DIXDC1: variants seen among roughly 807,000 people sequenced by gnomAD.
The protein encoded by DIXDC1 is DIX domain containing 1, also known as dixin.
DIXDC1 carries 64 observed loss-of-function variants against 103.1 expected under a neutral mutation model. That is an observed-to-expected ratio of 0.62 (90% CI 0.51 to 0.76). The LOEUF (loss-of-function observed/expected upper bound fraction) is 0.76, where lower values mean the gene tolerates loss of function less well. DIXDC1 is among the 30% of genes least tolerant of loss of function. The pLI, the probability that DIXDC1 is intolerant of heterozygous loss-of-function variation, is 0.00. For synonymous variants in DIXDC1, 266 were observed against 298.5 expected, an observed-to-expected ratio of 0.89 and a Z score of 1.12; for missense variants, 759 against 834.2, an observed-to-expected ratio of 0.91 and a Z score of 1.11.
At position 111,977,431 on chromosome 11, in the gene DIXDC1, C is replaced by T; in HGVS notation, c.656+2448C>T. On this transcript the variant is annotated intron_variant, in intron 5 of 19. Coordinates refer to ENST00000440460, the MANE Select transcript of DIXDC1 (RefSeq NM_001037954.4). This position sits in a 1 kb window ranked among gnomAD's most constrained non-coding sequence, Gnocchi z 6.1. ...CCCCCGCCAGGGGGGATGCCCGGCA[C>T]CGTGCGTCCGCGGAGGCCAAGATGC... The T allele has an allele frequency of 1.7e-6, 2 of 1,209,776 alleles. No homozygotes were observed. The highest frequency in any genetic ancestry group is 2.1e-6 in the Non-Finnish European group (2 of 970,186). The allele number at this position is 1,209,776 out of a possible 1,614,324, so 74.9% of individuals were successfully genotyped here. A position where few individuals can be genotyped will look rare whatever the true frequency, so the allele number is the denominator to read the frequency against.
intron 10 of DIXDC1, among the ~76,000 whole-genome samples, chr11:111,990,490 C>G (rs603276): frequency 6.6e-6 from 1 of 152,086 alleles, no homozygotes; most frequent in Non-Finnish European, 1.5e-5. Flanking sequence ...AAACTTGACA[C>G]CTTGCTTTTT....
intron 17 of DIXDC1, among the ~76,000 whole-genome samples, chr11:112,004,114 GTA>G (rs587669386): frequency 2.2e-4 from 32 of 148,676 alleles, no homozygotes; most frequent in Non-Finnish European, 4.5e-4. Context: ...GTGTATATGT[GTA>G]TATATATATG....
chr11:111,935,097 A>T (rs1966150587), upstream of DIXDC1, among the ~76,000 whole-genome samples: 1 of 151,940 alleles, frequency 6.6e-6, no homozygotes, highest in Non-Finnish European at 1.5e-5. Context: ...ATAGTGCAAT[A>T]TTGGACCATA....
At chr11:111,949,635 T>A (rs1397169471) in intron 1 of DIXDC1, among the ~76,000 whole-genome samples, 1 of 152,220 alleles carries the variant, frequency 6.6e-6, no homozygotes. Flanking sequence ...AACTTCACAC[T>A]TCCTGTTGAA....
chr11:111,990,401 A>G (rs587646485), intron 10 of DIXDC1, among the ~76,000 whole-genome samples: 3 of 152,118 alleles, frequency 2.0e-5, no homozygotes, highest in South Asian at 4.1e-4. Flanking sequence ...TCCTAGAGGC[A>G]TCTTAACAGT....
At position 111,977,160 on chromosome 11, in the gene DIXDC1, CT is replaced by C; in HGVS notation, c.656+2178del. 2.8e-6 allele frequency: 2 copies of C among 711,588 alleles called. No individual in the cohort carries two copies. The highest frequency in any genetic ancestry group is 3.5e-6 in the Non-Finnish European group (2 of 579,404). 44.1% of individuals were successfully genotyped at this position (711,588 alleles called of 1,614,324 possible). On this transcript the variant is annotated intron_variant, in intron 5 of 19. Transcript: ENST00000440460. The surrounding 1 kb of genome is among the most constrained non-coding windows in gnomAD (Gnocchi z 6.1). ...CCCTCGTCGACGTCCCCACCCCCAC[CT>C]CCACCCCGCCCAGCCCCGCCCCTGG...
At chr11:111,978,554 C>A (rs1337561983) in intron 5 of DIXDC1, among the ~76,000 whole-genome samples, 1 of 152,146 alleles carries the variant, frequency 6.6e-6, no homozygotes, top group African/African-American at 2.4e-5. Context: ...ACTCCCCCAG[C>A]GGGGATGGAT....
At chr11:111,964,765 T>G (rs1859675426) in intron 2 of DIXDC1, 87 bp downstream of exon 2, 2 of 1,438,406 alleles carry the variant, frequency 1.4e-6, no homozygotes, top group African/African-American at 2.9e-5. Context: ...GAGCAGGTTA[T>G]TTTTTCTTTA....
intron 17 of DIXDC1, among the ~76,000 whole-genome samples, chr11:112,000,994 T>A (rs1467618040): frequency 6.6e-6 from 1 of 152,074 alleles, no homozygotes; most frequent in Non-Finnish European, 1.5e-5. Flanking sequence ...AACTTGTACA[T>A]CTATGTTCCT....
intron 10 of DIXDC1, among the ~76,000 whole-genome samples, chr11:111,989,793 T>A (rs1555174319): frequency 7.1e-6 from 1 of 141,758 alleles, no homozygotes; most frequent in African/African-American, 2.6e-5. Context: ...TAGAGGCATC[T>A]TTTTTTTTTT....
intron 1 of DIXDC1, chr11:111,946,676 C>A: frequency 3.4e-6 from 1 of 296,236 alleles, no homozygotes; most frequent in South Asian, 2.8e-5. Flanking sequence ...GTTTTTTTTC[C>A]TTTGTTTATT....
At chr11:111,960,789 T>G (rs1361199218) in intron 1 of DIXDC1, among the ~76,000 whole-genome samples, 1 of 152,094 alleles carries the variant, frequency 6.6e-6, no homozygotes, top group Non-Finnish European at 1.5e-5. Context: ...TTGAAAAGCT[T>G]TCCAGGTGAT....
chr11:111,963,209 G>A (rs955055365), intron 1 of DIXDC1, among the ~76,000 whole-genome samples: 2 of 152,162 alleles, frequency 1.3e-5, no homozygotes, highest in Non-Finnish European at 2.9e-5. Context: ...TTTAGTAAGC[G>A]TCAATTTTAT....
chr11:111,997,163 T>C (rs374752772), intron 17 of DIXDC1, among the ~76,000 whole-genome samples: 3 of 152,348 alleles, frequency 2.0e-5, no homozygotes, highest in African/African-American at 4.8e-5. Flanking sequence ...GTATGTTACA[T>C]ATAAATTTTT....
At chr11:111,973,190 G>A (rs1555172226) in intron 3 of DIXDC1, among the ~76,000 whole-genome samples, 2 of 151,310 alleles carry the variant, frequency 1.3e-5, no homozygotes, top group African/African-American at 4.9e-5. Context: ...GGCCAACATG[G>A]TGAAACCCCA....
chr11:111,937,013 GTA>G (rs1348678191), upstream of DIXDC1, among the ~76,000 whole-genome samples: 5 of 150,894 alleles, frequency 3.3e-5, no homozygotes, highest in African/African-American at 4.9e-5. Flanking sequence ...GTGTATGTGT[GTA>G]TGTGTGTGTG....
intron 9 of DIXDC1, among the ~76,000 whole-genome samples, chr11:111,987,161 A>G (rs756202802): frequency 2.6e-5 from 4 of 151,840 alleles, no homozygotes; most frequent in Middle Eastern, 3.2e-3. Context: ...GAGGCAGGAG[A>G]ATTGCTTGAA....
At chr11:111,936,845 A>AGTGTGTGTGTGT (rs57332873), upstream of DIXDC1, among the ~76,000 whole-genome samples, 6 of 140,852 alleles carry the variant, frequency 4.3e-5, no homozygotes, top group African/African-American at 1.6e-4. Context: ...TTAAGTTAGC[A>AGTGTGTGTGTGT]GTGTGTGTGT....
At chr11:111,943,747 A>T (rs1295778685) in intron 1 of DIXDC1, among the ~76,000 whole-genome samples, 1 of 149,220 alleles carries the variant, frequency 6.7e-6, no homozygotes, top group Non-Finnish European at 1.5e-5. Context: ...TGATCCGCCC[A>T]CCTCAGCCTC....
Sources: gnomAD v4.1 joint callset for allele counts (sites outside exome capture counted in the v4.1 genomes callset) on GRCh38, gnomAD v4.1.1 for gene constraint, Gnocchi (gnomAD v3.1) non-coding constraint, MANE v1.5 for transcripts, NCBI Gene and HGNC (gene_info 2026-07-23, HGNC 2026-07-21) for gene names.